The following REV1 variants were observed in gnomAD, a reference collection of about 807,000 sequenced individuals.
The protein encoded by REV1 is REV1 DNA directed polymerase.
A neutral mutation model predicts 137.4 loss-of-function variants in REV1; 42 were observed. That is an observed-to-expected ratio of 0.31 (90% CI 0.24 to 0.40). The LOEUF is 0.40. Ranked by LOEUF, REV1 falls within the 10% of genes least tolerant of loss-of-function variation. REV1 has a pLI of 1.00. For missense variants in REV1, 1,282 were observed against 1,490.1 expected (o/e 0.86, Z 2.30); for synonymous variants, 524 against 519.2 (o/e 1.01, Z -0.12).
At chr2:99,482,222 G>A (rs1686681914) in intron 1 of REV1, among the ~76,000 whole-genome samples, 1 of 152,230 alleles carries the variant, frequency 6.6e-6, no homozygotes. Flanking sequence ...TTCCTGGCTG[G>A]CAATCATTCA....
chr2:99,409,994 A>T (rs1011551596), intron 14 of REV1, among the ~76,000 whole-genome samples: 4 of 151,896 alleles, frequency 2.6e-5, no homozygotes, highest in Non-Finnish European at 5.9e-5. Flanking sequence ...TCATTTTTCT[A>T]GCTACTATAG....
At chr2:99,418,765 T>TATAGATATGAAAA (rs1324591568) in intron 12 of REV1, 63 bp downstream of exon 12, 2 of 1,487,156 alleles carry the variant, frequency 1.3e-6, no homozygotes, top group African/African-American at 2.8e-5. Context: ...AGTTCTATAT[T>TATAGATATGAAAA]ATAGATATGA....
At chr2:99,458,821 A>G (rs899958174) in intron 3 of REV1, among the ~76,000 whole-genome samples, 2 of 152,250 alleles carry the variant, frequency 1.3e-5, no homozygotes, top group African/African-American at 4.8e-5. Flanking sequence ...TGACAAAATT[A>G]TAAAAATGGA....
chr2:99,457,997 C>G (rs1188078640), intron 3 of REV1, among the ~76,000 whole-genome samples: 1 of 151,730 alleles, frequency 6.6e-6, no homozygotes, highest in East Asian at 1.9e-4. Context: ...AAACATAAAA[C>G]TATAAAATCT....
intron 3 of REV1, 57 bp from the exon 4 acceptor site, chr2:99,449,561 A>C (rs1682679087): frequency 2.4e-6 from 2 of 847,252 alleles, no homozygotes; most frequent in African/African-American, 1.8e-5. Flanking sequence ...GTAGAACCCT[A>C]ATGAATAACT....
At chr2:99,445,526 G>A (rs567231455) in intron 4 of REV1, among the ~76,000 whole-genome samples, 2 of 152,220 alleles carry the variant, frequency 1.3e-5, no homozygotes, top group South Asian at 2.1e-4. Flanking sequence ...TAGCAACTTA[G>A]GACAATATTT....
At chr2:99,426,079 T>C (rs1463901697) in intron 9 of REV1, among the ~76,000 whole-genome samples, 3 of 148,066 alleles carry the variant, frequency 2.0e-5, no homozygotes, top group South Asian at 4.3e-4. Flanking sequence ...GGCGCGGTGG[T>C]ACACATCTGT....
chr2:99,417,021 A>C (rs1345480115), intron 12 of REV1, among the ~76,000 whole-genome samples: 1 of 152,136 alleles, frequency 6.6e-6, no homozygotes, highest in East Asian at 1.9e-4. Flanking sequence ...ATTTCTATTA[A>C]AACAAAGAAA....
chr2:99,432,973 C>T (rs563106043), intron 8 of REV1, among the ~76,000 whole-genome samples: 2 of 152,226 alleles, frequency 1.3e-5, no homozygotes, highest in Non-Finnish European at 2.9e-5. Flanking sequence ...GATAAAAGGA[C>T]GTGTGTAACA....
chr2:99,421,452 G>C, intron 11 of REV1, 47 bp downstream of exon 11: 1 of 1,532,838 alleles, frequency 6.5e-7, no homozygotes, highest in Non-Finnish European at 8.8e-7. Context: ...TGATATTCAA[G>C]AATCTCAAAG....
intron 4 of REV1, among the ~76,000 whole-genome samples, chr2:99,445,885 C>A (rs749406001): frequency 6.6e-6 from 1 of 152,168 alleles, no homozygotes; most frequent in Non-Finnish European, 1.5e-5. Flanking sequence ...CACATACTTA[C>A]AAGTGGCAGT....
Position 99,487,256 on chromosome 2 carries a change from G to T in REV1, c.-11+2561C>A, listed in dbSNP as rs1190716578. Reference sequence around the variant, plus strand: ...GCTGGCAGCTGCCAAATCATGCTATGCCCTGATGGCGACTAAGATTCAAAT... The same window carrying T: ...GCTGGCAGCTGCCAAATCATGCTATTCCCTGATGGCGACTAAGATTCAAAT... On this transcript the variant is annotated intron_variant, in intron 1 of 22. Coordinates refer to ENST00000258428, the MANE Select transcript of REV1 (RefSeq NM_016316.4). 5.9e-5 allele frequency among the ~76,000 whole-genome samples: 3 copies of T among 51,108 alleles called. 1 individual carries two copies. Among genetic ancestry groups the T allele is most frequent in the Admixed American group, 6.8e-4 (2 of 2,952 alleles). 33.5% of individuals were successfully genotyped at this position (51,108 alleles called of 152,430 possible).
intron 1 of REV1, among the ~76,000 whole-genome samples, chr2:99,472,350 G>A (rs1308247959): frequency 6.6e-6 from 1 of 152,196 alleles, no homozygotes; most frequent in African/African-American, 2.4e-5. Flanking sequence ...AGTATTTAAA[G>A]TAGTTAAATT....
intron 5 of REV1, among the ~76,000 whole-genome samples, chr2:99,440,355 A>T (rs1190901665): frequency 6.6e-6 from 1 of 152,262 alleles, no homozygotes. Context: ...CCTACAGAGT[A>T]GTAAGCCACA....
In REV1 at chr2:99,449,328, A is replaced by T. The variant is rs777259410; in HGVS notation, c.350+8T>A. ...ATTTATTAATTAAATTTAATAAATT[A>T]AACTTACCTTTCCACAATCCATTCT... is the stretch of plus-strand genomic sequence containing the variant. On this transcript the variant is annotated splice_region_variant and intron_variant, in intron 4 of 22. Coordinates refer to ENST00000258428, the MANE Select transcript of REV1 (RefSeq NM_016316.4). 6 of 1,459,154 alleles carry T rather than the reference A, an allele frequency of 4.1e-6. No homozygotes were observed. In the African/African-American group the frequency reaches 8.8e-5, roughly 21 times the overall value. The allele number at this position is 1,459,154 out of a possible 1,614,324, so 90.4% of individuals were successfully genotyped here.
At position 99,408,023 on chromosome 2, in the gene REV1, A is replaced by G; in HGVS notation, c.2448+6T>C. 6.7e-7 allele frequency: 1 copy of G among 1,502,100 alleles called. No homozygotes were observed. The allele number at this position is 1,502,100 out of a possible 1,614,324, so 93.0% of individuals were successfully genotyped here. A position where few individuals can be genotyped will look rare whatever the true frequency, so the allele number is the denominator to read the frequency against. The stretch of plus-strand genomic sequence containing the variant: ...GTCAGAATTTACAATGTTACTATAT[A>G]CTTACCCCTCTCATATCTGATATAT... On this transcript the variant is annotated splice_donor_region_variant and intron_variant, in intron 15 of 22. Coordinates refer to ENST00000258428, the MANE Select transcript of REV1 (RefSeq NM_016316.4).
At chr2:99,412,257 CAAAAAAAA>C (rs1160440580) in intron 13 of REV1, among the ~76,000 whole-genome samples, 2 of 53,042 alleles carry the variant, frequency 3.8e-5, no homozygotes, top group African/African-American at 7.0e-5. Flanking sequence ...GACTCCATCT[CAAAAAAAA>C]AAAAAAAAAA....
intron 1 of REV1, among the ~76,000 whole-genome samples, chr2:99,487,251 G>GGATTCCTGGAATCAATGATTC (rs377674533): frequency 2.4e-5 from 3 of 125,358 alleles, no homozygotes; most frequent in East Asian, 2.2e-4. Context: ...GCCAAATCAT[G>GGATTCCTGGAATCAATGATTC]CTATGCCCTG....
chr2:99,425,984 C>T (rs1277012231), intron 9 of REV1, among the ~76,000 whole-genome samples: 3 of 151,446 alleles, frequency 2.0e-5, no homozygotes, highest in South Asian at 2.1e-4. Flanking sequence ...TGCAGTGAGC[C>T]GAGATCGCGC....
Sources: gnomAD v4.1 joint callset for allele counts (sites outside exome capture counted in the v4.1 genomes callset) on GRCh38, gnomAD v4.1.1 for gene constraint, MANE v1.5 for transcripts, NCBI Gene and HGNC (gene_info 2026-07-23, HGNC 2026-07-21) for gene names.